The following DDAH1 variants were observed in gnomAD, a reference collection of about 807,000 sequenced individuals.
The protein encoded by DDAH1 is N(G),N(G)-dimethylarginine dimethylaminohydrolase 1.
A neutral mutation model predicts 28.8 loss-of-function variants in DDAH1; 19 were observed. That is an observed-to-expected ratio of 0.66 (90% CI 0.46 to 0.97). The LOEUF (loss-of-function observed/expected upper bound fraction) is 0.97. Ranked by LOEUF, DDAH1 falls within the 50% of genes least tolerant of loss-of-function variation. DDAH1 has a pLI of 0.00. For missense variants in DDAH1, 326 were observed against 375.9 expected, an observed-to-expected ratio of 0.87 and a Z score of 1.10; for synonymous variants, 153 against 154.4, an observed-to-expected ratio of 0.99 and a Z score of 0.07.
chr1:85,335,856 G>A (rs1557477445), intron 4 of DDAH1, among the ~76,000 whole-genome samples: 1 of 152,082 alleles, frequency 6.6e-6, no homozygotes, highest in Admixed American at 6.6e-5. Flanking sequence ...CAGCTGCTTG[G>A]AAGGCTGAGG....
intron 1 of DDAH1, among the ~76,000 whole-genome samples, chr1:85,511,429 C>A (rs545725166): frequency 1.3e-4 from 20 of 152,192 alleles, no homozygotes; most frequent in African/African-American, 4.3e-4. Flanking sequence ...CATAACATCA[C>A]AATTAAAAGA....
At chr1:85,489,629 C>T (rs1656319363) in intron 2 of DDAH1, among the ~76,000 whole-genome samples, 1 of 151,632 alleles carries the variant, frequency 6.6e-6, no homozygotes, top group African/African-American at 2.4e-5. Context: ...GAAGGAAGGA[C>T]AGAATGATAG....
intron 1 of DDAH1, among the ~76,000 whole-genome samples, chr1:85,540,651 G>A (rs1324857801): frequency 6.6e-6 from 1 of 151,896 alleles, no homozygotes; most frequent in Non-Finnish European, 1.5e-5. Flanking sequence ...GCATGTAACC[G>A]GCTCTTTAAA....
At chr1:85,494,206 T>C (rs1656501398) in intron 2 of DDAH1, 1 of 152,132 alleles carries the variant, frequency 6.6e-6, no homozygotes, top group East Asian at 1.9e-4. Flanking sequence ...ATCACACATA[T>C]AAAGTAGTGC....
chr1:85,335,590 A>C (rs1173800860), intron 4 of DDAH1, among the ~76,000 whole-genome samples: 1 of 152,212 alleles, frequency 6.6e-6, no homozygotes, highest in Non-Finnish European at 1.5e-5. Flanking sequence ...TGTAATGATA[A>C]ATGGATCAAT....
intron 1 of DDAH1, among the ~76,000 whole-genome samples, chr1:85,571,237 C>T (rs1003697083): frequency 6.6e-6 from 1 of 152,146 alleles, no homozygotes; most frequent in African/African-American, 2.4e-5. Flanking sequence ...CCCAAAGGGT[C>T]GGTCCCATCT....
intron 1 of DDAH1, among the ~76,000 whole-genome samples, chr1:85,549,658 C>T (rs12083288): frequency 0.04 from 6,152 of 152,198 alleles, 400 homozygotes; most frequent in African/African-American, 0.14. Context: ...AAATTACAAA[C>T]GTTTTTAAAA....
At chr1:85,327,399 C>T (rs1013216524) in intron 4 of DDAH1, among the ~76,000 whole-genome samples, 2 of 142,712 alleles carry the variant, frequency 1.4e-5, no homozygotes, top group Admixed American at 1.4e-4. Context: ...TTCCTTCTTT[C>T]TAAGGCCTAC....
At chr1:85,507,925 G>T (rs1241120109) in intron 1 of DDAH1, among the ~76,000 whole-genome samples, 1 of 152,128 alleles carries the variant, frequency 6.6e-6, no homozygotes, top group Non-Finnish European at 1.5e-5. Context: ...CTATTTATTT[G>T]AGGTTAGGCC....
chr1:85,386,007 C>A (rs1228904779), intron 1 of DDAH1, among the ~76,000 whole-genome samples: 4 of 152,024 alleles, frequency 2.6e-5, no homozygotes, highest in Non-Finnish European at 5.9e-5. Flanking sequence ...GAGAACTCAC[C>A]CATTACCAGG....
At chr1:85,390,916 C>A (rs561182290) in intron 1 of DDAH1, among the ~76,000 whole-genome samples, 1 of 152,212 alleles carries the variant, frequency 6.6e-6, no homozygotes, top group South Asian at 2.1e-4. Context: ...TCCAGATGAA[C>A]AAGACCATTC....
At position 85,401,139 on chromosome 1, in the gene DDAH1, G is replaced by T. The variant is rs1009605761; in HGVS notation, c.304-42292C>A. On this transcript the variant is annotated intron_variant, in intron 1 of 5. Coordinates refer to ENST00000284031, the MANE Select transcript of DDAH1 (RefSeq NM_012137.4). The stretch of plus-strand genomic sequence containing the variant: ...ACACTATCTCTCATCATTAAAAGGC[G>T]ATCTTCGTGCTGCTCAAATGTAGCT... 9.2e-5 allele frequency among the ~76,000 whole-genome samples: 14 copies of T among 152,266 alleles called. No homozygotes were observed. In the East Asian group the frequency reaches 2.3e-3, roughly 25 times the overall value.
At chr1:85,321,705 C>T (rs1005704995) in intron 5 of DDAH1, 137 bp from the exon 6 acceptor site, 2 of 688,932 alleles carry the variant, frequency 2.9e-6, no homozygotes, top group Middle Eastern at 3.4e-4. Flanking sequence ...CTCAACCACA[C>T]ACATGCCCAC....
intron 1 of DDAH1, among the ~76,000 whole-genome samples, chr1:85,436,090 C>T (rs997836047): frequency 6.8e-4 from 104 of 152,086 alleles, no homozygotes; most frequent in African/African-American, 2.0e-3. Context: ...CTCGAGCCAC[C>T]GCGCCCAGCC....
intron 1 of DDAH1, among the ~76,000 whole-genome samples, chr1:85,369,055 CTTT>C (rs36109764): frequency 5.6e-4 from 47 of 84,608 alleles, no homozygotes; most frequent in African/African-American, 1.9e-3. Context: ...CCAGGGGATT[CTTT>C]TTTTTTTTTT....
chr1:85,534,534 A>C (rs1408502598), intron 1 of DDAH1, among the ~76,000 whole-genome samples: 3 of 152,140 alleles, frequency 2.0e-5, no homozygotes, highest in East Asian at 1.9e-4. Context: ...TGAGAAGCCA[A>C]GATATTAGTT....
At chr1:85,519,088 C>CTTTTTTTTTTTT (rs71075842) in intron 1 of DDAH1, among the ~76,000 whole-genome samples, 1 of 69,128 alleles carries the variant, frequency 1.4e-5, no homozygotes, top group Non-Finnish European at 2.6e-5. Flanking sequence ...AAAGACGGAT[C>CTTTTTTTTTTTT]TTTTTTTTTT....
intron 1 of DDAH1, among the ~76,000 whole-genome samples, chr1:85,535,920 G>A (rs2100778949): frequency 6.6e-6 from 1 of 152,298 alleles, no homozygotes; most frequent in Non-Finnish European, 1.5e-5. Context: ...CGGACAACAG[G>A]TGAATGAAGA....
At chr1:85,341,617 A>G (rs1648485965) in intron 4 of DDAH1, among the ~76,000 whole-genome samples, 1 of 152,200 alleles carries the variant, frequency 6.6e-6, no homozygotes, top group Non-Finnish European at 1.5e-5. Flanking sequence ...GATTGAGACC[A>G]TCCTGGCTAA....
Sources: allele counts gnomAD v4.1 joint callset (sites outside exome capture counted in the v4.1 genomes callset), GRCh38; gene constraint gnomAD v4.1.1; transcripts MANE v1.5; gene names NCBI Gene and HGNC (gene_info 2026-07-23, HGNC 2026-07-21).